Variants in VPS13C observed in about 807,000 individuals in gnomAD.
The protein encoded by VPS13C is vacuolar protein sorting 13 homolog C.
VPS13C carries 358 observed loss-of-function variants against 456.8 expected under a neutral mutation model. That is an observed-to-expected ratio of 0.78 (90% CI 0.72 to 0.86). The LOEUF (loss-of-function observed/expected upper bound fraction) is 0.86, where lower values mean the gene tolerates loss of function less well. Among genes scored for constraint, VPS13C ranks in the 40% least tolerant of loss-of-function variants. The probability of loss-of-function intolerance (pLI) is 0.00; values close to 1 mark genes in which losing one functional copy is unlikely to be tolerated. For missense variants in VPS13C, 4,818 were observed against 4,385.4 expected, an observed-to-expected ratio of 1.10 and a Z score of -2.79; for synonymous variants, 1,578 against 1,486.7, an observed-to-expected ratio of 1.06 and a Z score of -1.41.
In VPS13C at chr15:61,950,427, G is replaced by A. The variant is rs755546327; in HGVS notation, c.4537-10C>T. 5.0e-6 allele frequency: 8 copies of A among 1,605,452 alleles called. No homozygotes were observed. In the Admixed American group the frequency reaches 1.2e-4, roughly 24 times the overall value. ...GTCCATCACTGTCTGCCTACAAATAGTGGAGAATTACACCACTGAGTTTCA... is the reference window on the plus strand; with the variant it reads ...GTCCATCACTGTCTGCCTACAAATAATGGAGAATTACACCACTGAGTTTCA... On this transcript the variant is annotated splice_polypyrimidine_tract_variant and intron_variant, in intron 40 of 84. Transcript: ENST00000644861.
In VPS13C at chr15:61,880,844, C is replaced by A; in HGVS notation, c.9887G>T (p.Arg3296Leu). The A allele has an allele frequency of 6.3e-7, 1 of 1,581,910 alleles. No individual in the cohort carries two copies. Among genetic ancestry groups the A allele is most frequent in the Non-Finnish European group, 8.5e-7 (1 of 1,170,916 alleles). ...TCCCCAAGAAATAAAAATTTTTACCCGTCTTCTTTCAGCTTCAGGGTCTGT... is the reference window on the plus strand; with the variant it reads ...TCCCCAAGAAATAAAAATTTTTACCAGTCTTCTTTCAGCTTCAGGGTCTGT... ...PTTDPEAERR[R>L]TKLIQQDIDA... is the part of the protein sequence containing the mutation. The change falls in exon 72 of 85, where the codon CGG becomes CTG. Residue 3296 changes from arginine (R) to leucine (L), a missense_variant and splice_region_variant. By Grantham distance (102) the Arg-to-Leu change is moderately radical. Coordinates refer to ENST00000644861, the MANE Select transcript of VPS13C (RefSeq NM_020821.3).
chr15:61,903,231 G>C (rs1018328083), intron 66 of VPS13C, among the ~76,000 whole-genome samples: 1 of 151,852 alleles, frequency 6.6e-6, no homozygotes, highest in African/African-American at 2.4e-5. Flanking sequence ...CCTGATATTC[G>C]AGAGACTGAA....
At chr15:61,960,912 T>A (rs2045175159) in intron 35 of VPS13C, among the ~76,000 whole-genome samples, 2 of 149,134 alleles carry the variant, frequency 1.3e-5, no homozygotes, top group Admixed American at 6.7e-5. Flanking sequence ...CCCATCTCTA[T>A]AACGAAAAAT....
chr15:61,865,105 G>A (rs565029705), intron 81 of VPS13C: 235 of 984,868 alleles, frequency 2.4e-4, no homozygotes, highest in South Asian at 1.3e-3. Flanking sequence ...AGTCACTAAT[G>A]GCAGCAGGGA....
chr15:61,922,892 A>T, intron 53 of VPS13C, 130 bp from the exon 54 acceptor site: 1 of 763,594 alleles, frequency 1.3e-6, no homozygotes. Flanking sequence ...ATTTTAAATT[A>T]AAGTAACTAA....
At chr15:61,905,778 A>T (rs2043136995) in intron 66 of VPS13C, among the ~76,000 whole-genome samples, 1 of 152,180 alleles carries the variant, frequency 6.6e-6, no homozygotes, top group Non-Finnish European at 1.5e-5. Context: ...TTAAAAAGAT[A>T]TAATCTTTGT....
intron 16 of VPS13C, among the ~76,000 whole-genome samples, chr15:61,994,230 T>C (rs2046308816): frequency 6.6e-6 from 1 of 152,196 alleles, no homozygotes; most frequent in Admixed American, 6.5e-5. Context: ...TCCTTCTTTG[T>C]CTACTGCATC....
intron 15 of VPS13C, among the ~76,000 whole-genome samples, chr15:62,003,093 T>C (rs544340069): frequency 6.6e-6 from 1 of 152,326 alleles, no homozygotes; most frequent in East Asian, 1.9e-4. Flanking sequence ...GCATTGAATC[T>C]GTAAATTACC....
At chr15:61,872,775 CTTATAA>C (rs1245752984) in intron 78 of VPS13C, among the ~76,000 whole-genome samples, 9 of 152,082 alleles carry the variant, frequency 5.9e-5, no homozygotes, top group South Asian at 2.1e-4. Flanking sequence ...CTTTTAAGTT[CTTATAA>C]TTATAAGAAT....
At chr15:61,946,206 G>T in intron 44 of VPS13C, 101 bp downstream of exon 44, 1 of 939,538 alleles carries the variant, frequency 1.1e-6, no homozygotes, top group Non-Finnish European at 1.6e-6. Context: ...AAAGTGCCTG[G>T]TACATGACAG....
rs778102479 is a variant in VPS13C, at chr15:61,921,928, T to C, written c.7062+19A>G. 1.7e-5 allele frequency: 28 copies of C among 1,603,180 alleles called. No homozygotes were observed. Among genetic ancestry groups the C allele is most frequent in the Non-Finnish European group, 2.2e-5 (26 of 1,170,866 alleles). On this transcript the variant is annotated intron_variant, in intron 55 of 84. Transcript: ENST00000644861. ...TGCATAGTATCATTCTATCCAAAGA[T>C]ATTTTAAGATTTCCTTACATCAAGC...
intron 14 of VPS13C, 126 bp from the exon 15 acceptor site, chr15:62,007,605 G>A (rs2046896904): frequency 1.4e-6 from 1 of 740,202 alleles, no homozygotes; most frequent in Non-Finnish European, 2.0e-6. Flanking sequence ...TCCTATAAGA[G>A]CTCAGCAATT....
rs1319977676 is a variant in VPS13C, at chr15:61,890,259, C to A, written c.9247G>T (p.Ala3083Ser). ...KALQAEEMEQ[A>S]DYEITLSLHS... ...AGAGACAAGGTTATTTCATAATCAG[C>A]CTGTTCCATTTCTTCTGCCTGCAGT... Residue 3083 changes from alanine (A) to serine (S), a missense_variant, in exon 67 of 85, where the codon GCT becomes TCT. This residue lies in a region of VPS13C where 4,552 missense variants were observed against 4,130.6 expected (regional missense o/e 1.10). Transcript: ENST00000644861. The A allele has an allele frequency of 1.9e-6, 3 of 1,613,926 alleles. No homozygotes were observed. The highest frequency in any genetic ancestry group is 2.5e-6 in the Non-Finnish European group (3 of 1,180,010).
intron 37 of VPS13C, among the ~76,000 whole-genome samples, chr15:61,957,590 C>T (rs1461247958): frequency 6.6e-6 from 1 of 151,958 alleles, no homozygotes; most frequent in Non-Finnish European, 1.5e-5. Flanking sequence ...GGTGGGAGTG[C>T]AGGGTTAGTA....
At chr15:61,855,527 A>G (rs2140830226) in intron 83 of VPS13C, among the ~76,000 whole-genome samples, 1 of 152,264 alleles carries the variant, frequency 6.6e-6, no homozygotes, top group South Asian at 2.1e-4. Flanking sequence ...AATTTCCATG[A>G]AAAGATAAGT....
intron 9 of VPS13C, among the ~76,000 whole-genome samples, chr15:62,015,597 TA>T (rs1567112730): frequency 1.4e-5 from 2 of 144,172 alleles, no homozygotes; most frequent in Admixed American, 7.0e-5. Flanking sequence ...TATGCAGCCA[TA>T]AAAAATGATG....
rs920372417 is a variant in VPS13C at position 61,874,896 on chromosome 15, C to T, written c.10394G>A (p.Ser3465Asn). The change falls in exon 77 of 85, where the codon AGC becomes AAC. Residue 3465 changes from serine (S) to asparagine (N), a missense_variant. Physicochemically the swap from Ser to Asn is conservative, Grantham distance 46. Coordinates refer to ENST00000644861, the MANE Select transcript of VPS13C (RefSeq NM_020821.3). ...CATACCTACTGTGTGTCCAAAGAGG[C>T]TTCTCACTCCAATCACTAACCCCTC... Reference protein sequence around the residue: ...FAEGLVIGVRSLFGHTVGGAA... With the variant: ...FAEGLVIGVRNLFGHTVGGAA... 1.3e-6 allele frequency: 2 copies of T among 1,593,916 alleles called. No individual in the cohort carries two copies. Among genetic ancestry groups the T allele is most frequent in the Non-Finnish European group, 1.7e-6 (2 of 1,171,278 alleles).
intron 66 of VPS13C, among the ~76,000 whole-genome samples, chr15:61,896,017 CT>C (rs1191705325): frequency 6.6e-6 from 1 of 152,134 alleles, no homozygotes; most frequent in Non-Finnish European, 1.5e-5. Flanking sequence ...GTTAACTACC[CT>C]GATCTAATCA....
At chr15:62,009,567 T>C (rs2046974213) in intron 13 of VPS13C, among the ~76,000 whole-genome samples, 1 of 152,230 alleles carries the variant, frequency 6.6e-6, no homozygotes, top group African/African-American at 2.4e-5. Flanking sequence ...TTTGGAAATA[T>C]TAAGTTAAAT....
Sources: gnomAD v4.1 joint callset for allele counts (sites outside exome capture counted in the v4.1 genomes callset) on GRCh38, gnomAD v4.1.1 for gene constraint, gnomAD v4.1.1 regional missense constraint, MANE v1.5 for transcripts, NCBI Gene and HGNC (gene_info 2026-07-23, HGNC 2026-07-21) for gene names.